The following OXER1 variants were observed in gnomAD, a reference collection of about 807,000 sequenced individuals.
OXER1 encodes the protein oxoeicosanoid receptor 1, also known as 5-oxo-ETE G-protein coupled receptor.
For synonymous variants in OXER1, 258 were observed against 245.8 expected (o/e 1.05, Z -0.47); for missense variants, 587 against 551.7 (o/e 1.06, Z -0.64).
rs748487835 is a variant in OXER1 at position 42,763,279 on chromosome 2, C to T, written c.901G>A (p.Val301Met). ...AAGAAGCAGATGGTGTAGACGGCCACCACCATGGCCAGCACACGCATGGCC... is the reference window on the plus strand; with the variant it reads ...AAGAAGCAGATGGTGTAGACGGCCATCACCATGGCCAGCACACGCATGGCC... Residue 301 changes from valine (V) to methionine (M), a missense_variant, in exon 1 of 1, where the codon GTG (valine) becomes ATG (methionine). Coordinates refer to ENST00000378661, the Ensembl canonical transcript of OXER1. The surrounding 1 kb of genome is among the most constrained non-coding windows in gnomAD (Gnocchi z 4.4). The T allele has an allele frequency of 6.2e-7, 1 of 1,612,970 alleles. No homozygotes were observed. The highest frequency in any genetic ancestry group is 8.5e-7 in the Non-Finnish European group (1 of 1,179,768).
chr2:42,762,880 C>T (rs1416128434), exon 1 of OXER1: 3 of 1,587,934 alleles, frequency 1.9e-6, no homozygotes, highest in Admixed American at 1.8e-5. Flanking sequence ...CCCTTACCCC[C>T]ACAGCGCTGC....
chr2:42,762,789 C>T, exon 1 of OXER1: 2 of 1,224,452 alleles, frequency 1.6e-6, no homozygotes, highest in Non-Finnish European at 2.3e-6. Context: ...TTTGGCCTGG[C>T]CCCTGGTCTG....
In OXER1 at chr2:42,763,946, G is replaced by T. The variant is rs1186301963; in HGVS notation, c.234C>A (p.Ser78=). 6.2e-7 allele frequency: 1 copy of T among 1,613,814 alleles called. No homozygotes were observed. The highest frequency in any genetic ancestry group is 1.7e-5 in the Admixed American group (1 of 60,012). The change falls in exon 1 of 1, where the codon TCC becomes TCA. Residue 78 remains serine, a synonymous_variant. Coordinates refer to ENST00000378661, the Ensembl canonical transcript of OXER1. This position sits in a 1 kb window ranked among gnomAD's most constrained non-coding sequence, Gnocchi z 4.4. ...AGGTGGGGTGGCAGGGCCCTCCAGA[G>T]GACCCCCCCACAGTGGTAAAGGCAG...
At chr2:42,762,654 G>C in exon 1 of OXER1, 1 of 508,804 alleles carries the variant, frequency 2.0e-6, no homozygotes, top group Non-Finnish European at 3.5e-6. Context: ...TGTGCCAACG[G>C]CACCTTGCCT....
In OXER1 at chr2:42,763,127, G is replaced by T. The variant is rs746099064; in HGVS notation, c.1053C>A (p.Asp351Glu). The T allele has an allele frequency of 7.4e-6, 12 of 1,614,056 alleles. No homozygotes were observed. The highest frequency in any genetic ancestry group is 1.0e-5 in the Non-Finnish European group (12 of 1,180,020). The change falls in exon 1 of 1, where the codon GAC becomes GAA. Residue 351 changes from aspartate to glutamate, a missense_variant. By Grantham distance (45) the Asp-to-Glu change is conservative. Transcript: ENST00000378661. This position sits in a 1 kb window ranked among gnomAD's most constrained non-coding sequence, Gnocchi z 4.4. Reference sequence around the variant, plus strand: ...GGCTAGAGAAGCAGTAGAGCACGGGGTCCAGGACACTGTTGAGGTAGGTGA... The same window carrying T: ...GGCTAGAGAAGCAGTAGAGCACGGGTTCCAGGACACTGTTGAGGTAGGTGA...
In OXER1 at chr2:42,763,016, G is replaced by A. The variant is rs755869412; in HGVS notation, c.1164C>T (p.Pro388=). Residue 388 remains proline, a synonymous_variant, in exon 1 of 1, where the codon CCC becomes CCT. Transcript: ENST00000378661. The surrounding 1 kb of genome is among the most constrained non-coding windows in gnomAD (Gnocchi z 4.4). ...CCTCCCGGTAGCGCCACTGCCTGGA[G>A]GGTTGGTAGGAGCTCTCGTCGCTCA... The A allele has an allele frequency of 9.9e-6, 16 of 1,614,072 alleles. No homozygotes were observed. The highest frequency in any genetic ancestry group is 1.3e-5 in the Non-Finnish European group (15 of 1,180,030).
exon 1 of OXER1, chr2:42,764,013 ACAG>A: frequency 6.2e-7 from 1 of 1,613,566 alleles, no homozygotes; most frequent in South Asian, 1.1e-5. Context: ...GGGAGGGAGA[ACAG>A]AGGAGGAGAG....
rs549024143 is a variant in OXER1, at chr2:42,763,663, A to G, written c.517T>C (p.Ser173Pro). The change falls in exon 1 of 1, where the codon TCC becomes CCC. Residue 173 changes from serine (S) to proline (P), a missense_variant. Physicochemically the swap from Ser to Pro is moderately conservative, Grantham distance 74 (BLOSUM62 -1). Transcript: ENST00000378661. This position sits in a 1 kb window ranked among gnomAD's most constrained non-coding sequence, Gnocchi z 4.4. ...ACAACGCTGGCCGTGCGGTTGGTGG[A>G]CAGCATGAAGAGGTTGACTTTGCAG... is the stretch of plus-strand genomic sequence containing the variant. 4.2e-5 allele frequency: 67 copies of G among 1,614,004 alleles called. No homozygotes were observed. The South Asian group carries it at 6.8e-4, about 16-fold the overall frequency.
At position 42,763,305 on chromosome 2, in the gene OXER1, C is replaced by G; in HGVS notation, c.875G>C (p.Arg292Thr). Residue 292 changes from arginine (R) to threonine (T), a missense_variant, in exon 1 of 1, where the codon AGG (arginine) becomes ACG (threonine). By Grantham distance (71) the Arg-to-Thr change is moderately conservative (BLOSUM62 -1). Transcript: ENST00000378661. This position sits in a 1 kb window ranked among gnomAD's most constrained non-coding sequence, Gnocchi z 4.4. ...CACCATGGCCAGCACACGCATGGCC[C>G]TCTGCGGGCCTGCCTGCCCGCCCAG... 1 of 1,613,072 alleles carries G rather than the reference C, an allele frequency of 6.2e-7. No individual in the cohort carries two copies. Among genetic ancestry groups the G allele is most frequent in the South Asian group, 1.1e-5 (1 of 90,970 alleles).
At chr2:42,762,604 G>T (rs2278584) in exon 1 of OXER1, 2 of 400,458 alleles carry the variant, frequency 5.0e-6, no homozygotes, top group East Asian at 4.2e-5. Flanking sequence ...AGTGATTGGC[G>T]TCTGTCCCCT....
chr2:42,764,078 T>C lies in OXER1; in HGVS notation c.102A>G (p.Pro34=), dbSNP rs779398724. The change falls in exon 1 of 1, where the codon CCA becomes CCG. Residue 34 remains proline (P), a synonymous_variant. An upstream start codon of the reference 5' UTR is lost. Transcript: ENST00000378661. ...GAAGTTCCATGGGCTGCTTGGGCCATGGGCCTGAGAGAAGGTTCTGGAGTC... is the reference window on the plus strand; with the variant it reads ...GAAGTTCCATGGGCTGCTTGGGCCACGGGCCTGAGAGAAGGTTCTGGAGTC... 3.7e-6 allele frequency: 6 copies of C among 1,613,956 alleles called. No individual in the cohort carries two copies. In the East Asian group the frequency reaches 6.7e-5, roughly 18 times the overall value.
Position 42,763,256 on chromosome 2 carries a change from G to T in OXER1, c.924C>A (p.Phe308Leu). ...CCATGCCAAAGATGATGCTGGGCAA[G>T]AAGCAGATGGTGTAGACGGCCACCA... The change falls in exon 1 of 1, where the codon TTC becomes TTA. Residue 308 changes from phenylalanine (F) to leucine (L), a missense_variant. By Grantham distance (22) the Phe-to-Leu change is conservative (BLOSUM62 0). Transcript: ENST00000378661. The surrounding 1 kb of genome is among the most constrained non-coding windows in gnomAD (Gnocchi z 4.4). 6.2e-7 allele frequency: 1 copy of T among 1,612,710 alleles called. No homozygotes were observed. The highest frequency in any genetic ancestry group is 8.5e-7 in the Non-Finnish European group (1 of 1,179,568).
At chr2:42,764,065 G>A (rs756364800) in exon 1 of OXER1, 1 of 1,613,950 alleles carries the variant, frequency 6.2e-7, no homozygotes, top group African/African-American at 1.3e-5. Context: ...AGTTCCATGG[G>A]CTGCTTGGGC....
At chr2:42,762,969 A>T in exon 1 of OXER1, 2 of 1,613,654 alleles carry the variant, frequency 1.2e-6, no homozygotes, top group South Asian at 1.1e-5. Context: ...CAGCTTCCCT[A>T]TGGCCTCCGC....
chr2:42,763,016 G>GGGTT, the OXER1 span: 21 of 1,614,072 alleles, frequency 1.3e-5, no homozygotes, highest in East Asian at 4.5e-4. This position sits in a 1 kb window ranked among gnomAD's most constrained non-coding sequence, Gnocchi z 4.4. Context: ...ACTGCCTGGA[G>GGGTT]GGTTGGTAGG....
At chr2:42,762,947 GC>G in the OXER1 span, 1 of 1,613,522 alleles carries the variant, frequency 6.2e-7, no homozygotes, top group African/African-American at 1.3e-5. Context: ...GAGAGACCTC[GC>G]CCTGCACTTT....
chr2:42,762,751 C>A, exon 1 of OXER1: 1 of 822,526 alleles, frequency 1.2e-6, no homozygotes, highest in East Asian at 2.6e-5. Context: ...GTTTCTCTCC[C>A]TGCCACCCAC....
Position 42,763,517 on chromosome 2 carries a change from C to T in OXER1, c.663G>A (p.Leu221=). ...TCAGGAGCAGGTGCCCGTTGAGGAGCAGGATGCCCACCCAGAGTCCCCCGG... is the reference window on the plus strand; with the variant it reads ...TCAGGAGCAGGTGCCCGTTGAGGAGTAGGATGCCCACCCAGAGTCCCCCGG... Residue 221 remains leucine (L), a synonymous_variant, in exon 1 of 1, where the codon CTG becomes CTA. Transcript: ENST00000378661. The surrounding 1 kb of genome is among the most constrained non-coding windows in gnomAD (Gnocchi z 4.4). 6.4e-7 allele frequency: 1 copy of T among 1,555,022 alleles called. No homozygotes were observed. The highest frequency in any genetic ancestry group is 1.2e-5 in the South Asian group (1 of 84,684).
rs766444558 is a variant in OXER1, at chr2:42,763,399, A to G, written c.781T>C (p.Phe261Leu). The G allele has an allele frequency of 1.3e-6, 2 of 1,597,344 alleles. No individual in the cohort carries two copies. The highest frequency in any genetic ancestry group is 2.7e-5 in the African/African-American group (2 of 74,642). Reference sequence around the variant, plus strand: ...AGGATGAGCGCCAGTGGCAGGAAGAACTCCAGCAGGTACAGTGCCTGGTGC... The same window carrying G: ...AGGATGAGCGCCAGTGGCAGGAAGAGCTCCAGCAGGTACAGTGCCTGGTGC... Residue 261 changes from phenylalanine to leucine, a missense_variant, in exon 1 of 1, where the codon TTC (phenylalanine) becomes CTC (leucine). By Grantham distance (22) the Phe-to-Leu change is conservative. Transcript: ENST00000378661. This position sits in a 1 kb window ranked among gnomAD's most constrained non-coding sequence, Gnocchi z 4.4.
Sources: allele counts gnomAD v4.1 joint callset, GRCh38; gene constraint gnomAD v4.1.1; non-coding constraint Gnocchi (gnomAD v3.1); transcripts MANE v1.5; gene names NCBI Gene and HGNC (gene_info 2026-07-23, HGNC 2026-07-21).